MIS18A: variants seen among roughly 807,000 people sequenced by gnomAD.
MIS18A encodes MIS18 kinetochore protein A, also known as protein Mis18-alpha.
MIS18A carries 14 observed loss-of-function variants against 25.0 expected under a neutral mutation model. The observed-to-expected ratio is 0.56, with a 90% CI of 0.37 to 0.88. The LOEUF (loss-of-function observed/expected upper bound fraction) is 0.88, where lower values mean the gene tolerates loss of function less well. Ranked by LOEUF, MIS18A falls within the 40% of genes least tolerant of loss-of-function variation. MIS18A has a pLI of 0.00. For missense variants in MIS18A, 292 were observed against 290.8 expected, an observed-to-expected ratio of 1.00 and a Z score of -0.03; for synonymous variants, 134 against 118.6, an observed-to-expected ratio of 1.13 and a Z score of -0.84.
At chr21:32,229,363 G>A in the MIS18A span, among the ~76,000 whole-genome samples, 2 of 152,188 alleles carry the variant, frequency 1.3e-5, no homozygotes, top group Admixed American at 1.3e-4. Flanking sequence ...GGGCAATCTG[G>A]GGTTTTGTGG....
the MIS18A span, among the ~76,000 whole-genome samples, chr21:32,253,242 C>T: frequency 1.6e-4 from 25 of 152,250 alleles, no homozygotes; most frequent in Non-Finnish European, 3.1e-4. Flanking sequence ...TGCCGCTTTG[C>T]GTGTGGTCAG....
chr21:32,267,928 G>GA (rs2031634754), downstream of MIS18A, among the ~76,000 whole-genome samples: 1 of 152,186 alleles, frequency 6.6e-6, no homozygotes, highest in Non-Finnish European at 1.5e-5. Context: ...AGAAAGAACA[G>GA]AAGAATCCTG....
the MIS18A span, among the ~76,000 whole-genome samples, chr21:32,254,908 A>T: frequency 6.6e-6 from 1 of 152,244 alleles, no homozygotes; most frequent in East Asian, 1.9e-4. Context: ...GAAACAGCCT[A>T]GTACATAACG....
the MIS18A span, among the ~76,000 whole-genome samples, chr21:32,227,720 T>C: frequency 6.6e-6 from 1 of 152,202 alleles, no homozygotes; most frequent in African/African-American, 2.4e-5. Context: ...CCAGTATTAC[T>C]CTGATACCCA....
At chr21:32,198,279 T>A in the MIS18A span, among the ~76,000 whole-genome samples, 1 of 152,206 alleles carries the variant, frequency 6.6e-6, no homozygotes, top group Non-Finnish European at 1.5e-5. Flanking sequence ...TGATGAGAAG[T>A]TGCTTTTCTA....
At chr21:32,220,402 A>C in the MIS18A span, among the ~76,000 whole-genome samples, 2 of 152,238 alleles carry the variant, frequency 1.3e-5, no homozygotes, top group African/African-American at 4.8e-5. Flanking sequence ...TGTTAGAAGG[A>C]AAACTAACAA....
At chr21:32,234,441 A>T in the MIS18A span, among the ~76,000 whole-genome samples, 1 of 152,206 alleles carries the variant, frequency 6.6e-6, no homozygotes, top group Non-Finnish European at 1.5e-5. Flanking sequence ...GCTTGCAACC[A>T]AAGGTTCTTA....
the MIS18A span, chr21:32,197,672 A>G: frequency 2.0e-5 from 3 of 152,188 alleles, no homozygotes; most frequent in Non-Finnish European, 4.4e-5. Flanking sequence ...ACAGCAGAGG[A>G]AAAGTTTCCT....
chr21:32,209,664 ATGGGAGGGGCCCAC>A, the MIS18A span, among the ~76,000 whole-genome samples: 7 of 152,126 alleles, frequency 4.6e-5, no homozygotes, highest in African/African-American at 1.7e-4. Context: ...CTCATGTGTG[ATGGGAGGGGCCCAC>A]TGGGAGGTAA....
the MIS18A span, among the ~76,000 whole-genome samples, chr21:32,243,138 C>T: frequency 4.6e-5 from 7 of 152,238 alleles, no homozygotes; most frequent in East Asian, 1.9e-4. Context: ...AAATGAAAAA[C>T]GTTAAACGTT....
chr21:32,159,573 C>T, the MIS18A span, among the ~76,000 whole-genome samples: 7 of 152,126 alleles, frequency 4.6e-5, no homozygotes, highest in African/African-American at 1.7e-4. Context: ...TATTGTGAGC[C>T]AAATATGAAT....
the MIS18A span, among the ~76,000 whole-genome samples, chr21:32,216,951 A>G: frequency 3.9e-4 from 59 of 152,356 alleles, no homozygotes; most frequent in Middle Eastern, 3.4e-3. Flanking sequence ...AGTTCAGAAA[A>G]ATCACTGAAC....
the MIS18A span, among the ~76,000 whole-genome samples, chr21:32,159,071 A>C: frequency 6.6e-6 from 1 of 152,158 alleles, no homozygotes; most frequent in Non-Finnish European, 1.5e-5. Flanking sequence ...TGTTTTATAC[A>C]TAACCCTTAA....
chr21:32,183,480 G>C, the MIS18A span, among the ~76,000 whole-genome samples: 7,649 of 152,200 alleles, frequency 0.05, 240 homozygotes, highest in Middle Eastern at 0.13. Context: ...TGATTCATTA[G>C]CACAAACTCA....
chr21:32,177,138 G>A, the MIS18A span, among the ~76,000 whole-genome samples: 5 of 152,210 alleles, frequency 3.3e-5, no homozygotes, highest in Admixed American at 1.3e-4. Flanking sequence ...CCAGATAGAC[G>A]ATGCCTGTTT....
chr21:32,158,967 TA>T, the MIS18A span, among the ~76,000 whole-genome samples: 1 of 152,212 alleles, frequency 6.6e-6, no homozygotes, highest in East Asian at 1.9e-4. Context: ...GATTCTTTCT[TA>T]TATAAAATCA....
chr21:32,177,429 T>A, the MIS18A span, among the ~76,000 whole-genome samples: 1 of 152,150 alleles, frequency 6.6e-6, no homozygotes, highest in African/African-American at 2.4e-5. Flanking sequence ...TGTAACTATA[T>A]TGTACTAGAA....
the MIS18A span, among the ~76,000 whole-genome samples, chr21:32,226,292 A>AAG: frequency 4.7e-5 from 7 of 147,836 alleles, no homozygotes; most frequent in African/African-American, 1.5e-4. Context: ...AAAAAAAAAG[A>AAG]AAAAAAAAAG....
chr21:32,275,616 G>A (rs948922421), intron 1 of MIS18A, among the ~76,000 whole-genome samples: 1 of 152,182 alleles, frequency 6.6e-6, no homozygotes, highest in East Asian at 1.9e-4. Context: ...ACAGGGTAGA[G>A]GGTGAAGAGA....
Sources: gnomAD v4.1 joint callset for allele counts (sites outside exome capture counted in the v4.1 genomes callset) on GRCh38, gnomAD v4.1.1 for gene constraint, MANE v1.5 for transcripts, NCBI Gene and HGNC (gene_info 2026-07-23, HGNC 2026-07-21) for gene names.